TENM3: variants seen among roughly 807,000 people sequenced by gnomAD.
The protein encoded by TENM3 is teneurin transmembrane protein 3, also known as teneurin-3.
Under a neutral mutation model 255.1 loss-of-function variants are expected in TENM3, and 63 were observed. The ratio of observed to expected loss-of-function variants is 0.25; its 90% CI spans 0.20 to 0.30. TENM3 has a LOEUF of 0.30. Ranked by LOEUF, TENM3 falls within the 10% of genes least tolerant of loss-of-function variation. TENM3 has a pLI of 1.00. For synonymous variants in TENM3, 1,306 were observed against 1,322.3 expected (o/e 0.99, Z 0.27); for missense variants, 2,929 against 3,461.1 (o/e 0.85, Z 3.86).
intron 1 of TENM3, among the ~76,000 whole-genome samples, chr4:182,201,735 A>G (rs1408846847): frequency 2.0e-5 from 3 of 152,146 alleles, no homozygotes; most frequent in Admixed American, 1.3e-4. Context: ...CAAAATACAC[A>G]TAGCATTCGT....
chr4:182,063,058 G>T, the TENM3 span, among the ~76,000 whole-genome samples: 1 of 152,108 alleles, frequency 6.6e-6, no homozygotes, highest in Non-Finnish European at 1.5e-5. Context: ...CAATCACAAA[G>T]AAAAAGTTAG....
At chr4:182,783,844 G>T (rs1005431159) in intron 24 of TENM3, among the ~76,000 whole-genome samples, 4 of 151,716 alleles carry the variant, frequency 2.6e-5, no homozygotes, top group Non-Finnish European at 4.4e-5. Context: ...CCAGTTGATC[G>T]CATCGGCTCC....
chr4:182,771,804 TA>T (rs1282076216), intron 22 of TENM3, among the ~76,000 whole-genome samples: 1 of 152,226 alleles, frequency 6.6e-6, no homozygotes. Flanking sequence ...CTTCCTTTGC[TA>T]GGGGCGTTTG....
At chr4:182,466,213 G>C (rs888831637) in intron 3 of TENM3, among the ~76,000 whole-genome samples, 2 of 152,090 alleles carry the variant, frequency 1.3e-5, no homozygotes, top group African/African-American at 2.4e-5. Context: ...AGTCTGAGTG[G>C]CTTAAAACAA....
intron 1 of TENM3, among the ~76,000 whole-genome samples, chr4:182,232,658 T>C (rs923654725): frequency 2.0e-5 from 3 of 151,936 alleles, no homozygotes; most frequent in African/African-American, 7.2e-5. Context: ...ATCGCGCCAC[T>C]GCACTCCAGC....
intron 3 of TENM3, among the ~76,000 whole-genome samples, chr4:182,404,229 A>G (rs1183460074): frequency 6.6e-6 from 1 of 152,194 alleles, no homozygotes; most frequent in East Asian, 1.9e-4. Context: ...AGGACTATTA[A>G]ATATAAAGTT....
Position 182,298,984 on chromosome 4 carries a change from C to CAAAAAAAAAAAA in TENM3, c.-75-24941_-75-24930dup, listed in dbSNP as rs11283401. Among the ~76,000 whole-genome samples, 35 of 25,558 alleles carry CAAAAAAAAAAAA rather than the reference C, an allele frequency of 1.4e-3. 7 individuals are homozygous for CAAAAAAAAAAAA. Among genetic ancestry groups the CAAAAAAAAAAAA allele is most frequent in the Non-Finnish European group, 1.9e-3 (27 of 14,432 alleles). 16.8% of individuals were successfully genotyped at this position (25,558 alleles called of 152,430 possible). A position where few individuals can be genotyped will look rare whatever the true frequency, so the allele number is the denominator to read the frequency against. ...TGGGCAACAGAGCAAGACTCCTTCTCAAAAAAAAAAAAAAAAAAAAAAAAA... is the reference window on the plus strand; with the variant it reads ...TGGGCAACAGAGCAAGACTCCTTCTCAAAAAAAAAAAAAAAAAAAAAAAAAAAAAAAAAAAAA... On this transcript the variant is annotated intron_variant, in intron 1 of 27. Coordinates refer to ENST00000511685, the MANE Select transcript of TENM3 (RefSeq NM_001080477.4).
At chr4:182,773,266 CG>C (rs529179712) in intron 22 of TENM3, among the ~76,000 whole-genome samples, 1 of 152,180 alleles carries the variant, frequency 6.6e-6, no homozygotes, top group Non-Finnish European at 1.5e-5. Context: ...TCTGTTTACT[CG>C]TGTTCTCACC....
the TENM3 span, among the ~76,000 whole-genome samples, chr4:181,858,099 G>A: frequency 0.018 from 2,776 of 152,168 alleles, 44 homozygotes; most frequent in Middle Eastern, 0.051. Context: ...TTTAATTTTG[G>A]CATGTGTATA....
At chr4:182,477,471 AT>A (rs1248348362) in intron 3 of TENM3, among the ~76,000 whole-genome samples, 1 of 152,146 alleles carries the variant, frequency 6.6e-6, no homozygotes, top group Non-Finnish European at 1.5e-5. Context: ...GCCTAAATTT[AT>A]TTTTTATGGT....
In TENM3 at chr4:182,323,928, A is replaced by G; in HGVS notation, c.-75-18A>G. Reference sequence around the variant, plus strand: ...GTGAACGTCATGCTGACCTCATGCAAACCTTGTATCTTCACAGAGAGGCCA... The same window carrying G: ...GTGAACGTCATGCTGACCTCATGCAGACCTTGTATCTTCACAGAGAGGCCA... On this transcript the variant is annotated intron_variant, in intron 1 of 27. Transcript: ENST00000511685. 1 of 1,100,506 alleles carries G rather than the reference A, an allele frequency of 9.1e-7. No individual in the cohort carries two copies. Among genetic ancestry groups the G allele is most frequent in the Non-Finnish European group, 1.3e-6 (1 of 751,270 alleles). The allele number at this position is 1,100,506 out of a possible 1,614,324, so 68.2% of individuals were successfully genotyped here.
chr4:182,700,886 A>C (rs540125378), intron 12 of TENM3, among the ~76,000 whole-genome samples: 1 of 152,132 alleles, frequency 6.6e-6, no homozygotes, highest in Non-Finnish European at 1.5e-5. Context: ...CATCAAAACT[A>C]TGCCTAGTTG....
At chr4:182,339,676 A>G (rs1284380959) in intron 2 of TENM3, among the ~76,000 whole-genome samples, 1 of 152,088 alleles carries the variant, frequency 6.6e-6, no homozygotes, top group Non-Finnish European at 1.5e-5. Context: ...CACGTTGCCC[A>G]TTTTGGATCC....
chr4:181,723,871 T>C, the TENM3 span, among the ~76,000 whole-genome samples: 11 of 152,322 alleles, frequency 7.2e-5, no homozygotes, highest in East Asian at 2.1e-3. Flanking sequence ...GAACATTTTT[T>C]ATTAGCAAAC....
upstream of TENM3, among the ~76,000 whole-genome samples, chr4:182,241,034 A>G (rs1439740127): frequency 6.6e-6 from 1 of 152,084 alleles, no homozygotes; most frequent in Non-Finnish European, 1.5e-5. Context: ...TGCATCTTTG[A>G]GGCTTTTGTC....
the TENM3 span, among the ~76,000 whole-genome samples, chr4:181,760,652 T>C: frequency 1.3e-5 from 2 of 152,132 alleles, no homozygotes; most frequent in Admixed American, 1.3e-4. Context: ...CTAGTCACTT[T>C]GGAGACATTT....
intron 12 of TENM3, among the ~76,000 whole-genome samples, chr4:182,708,854 A>G (rs1454244453): frequency 6.6e-6 from 1 of 151,978 alleles, no homozygotes; most frequent in Non-Finnish European, 1.5e-5. Context: ...GCCATCTCAC[A>G]GGAAATATGG....
At chr4:182,202,189 G>A (rs541897979) in intron 1 of TENM3, among the ~76,000 whole-genome samples, 43 of 152,152 alleles carry the variant, frequency 2.8e-4, no homozygotes, top group Non-Finnish European at 5.6e-4. Context: ...TGTTTAACTG[G>A]AACGTGGGCT....
chr4:181,543,118 C>G, the TENM3 span, among the ~76,000 whole-genome samples: 2 of 152,168 alleles, frequency 1.3e-5, no homozygotes, highest in Non-Finnish European at 2.9e-5. Flanking sequence ...CATGGAAAGA[C>G]AGAACCCCTA....
Sources: allele counts gnomAD v4.1 joint callset (sites outside exome capture counted in the v4.1 genomes callset), GRCh38; gene constraint gnomAD v4.1.1; transcripts MANE v1.5; gene names NCBI Gene and HGNC (gene_info 2026-07-23, HGNC 2026-07-21).